The following TMTC1 variants were observed in gnomAD, a reference collection of about 807,000 sequenced individuals.
TMTC1 encodes protein O-mannosyl-transferase TMTC1.
TMTC1 carries 73 observed loss-of-function variants against 104.8 expected under a neutral mutation model. That is an observed-to-expected ratio of 0.70 (90% confidence interval 0.58 to 0.85). TMTC1 has a LOEUF of 0.85. TMTC1 is among the 40% of genes least tolerant of loss of function. TMTC1 has a pLI of 0.00. For synonymous variants in TMTC1, 434 were observed against 428.7 expected, an observed-to-expected ratio of 1.01 and a Z score of -0.15; for missense variants, 1,035 against 1,096.1, an observed-to-expected ratio of 0.94 and a Z score of 0.79.
intron 9 of TMTC1, among the ~76,000 whole-genome samples, chr12:29,566,825 A>G (rs1945529333): frequency 6.6e-6 from 1 of 152,136 alleles, no homozygotes; most frequent in African/African-American, 2.4e-5. Context: ...TTAACAGAAA[A>G]TCTCAACCCT....
At chr12:29,673,526 A>G (rs1401503530) in intron 5 of TMTC1, among the ~76,000 whole-genome samples, 1 of 152,128 alleles carries the variant, frequency 6.6e-6, no homozygotes, top group Non-Finnish European at 1.5e-5. Flanking sequence ...ATTTTAAAAC[A>G]TAACATAAAA....
chr12:29,745,200 A>G (rs775819828), intron 5 of TMTC1, among the ~76,000 whole-genome samples: 6 of 152,134 alleles, frequency 3.9e-5, no homozygotes, highest in Non-Finnish European at 7.3e-5. Flanking sequence ...TCTCTATAGG[A>G]GGTCATTTGC....
At chr12:29,737,618 A>G (rs1012430498) in intron 5 of TMTC1, among the ~76,000 whole-genome samples, 2 of 152,196 alleles carry the variant, frequency 1.3e-5, no homozygotes, top group African/African-American at 4.8e-5. Flanking sequence ...GCCTTTCTCA[A>G]CAGTTCTTTC....
Position 29,783,821 on chromosome 12 carries a change from G to A in TMTC1, c.-70C>T. 1 of 1,100,076 alleles carries A rather than the reference G, an allele frequency of 9.1e-7. No homozygotes were observed. Among genetic ancestry groups the A allele is most frequent in the Non-Finnish European group, 1.1e-6 (1 of 905,118 alleles). The allele number at this position is 1,100,076 out of a possible 1,614,324, so 68.1% of individuals were successfully genotyped here. The stretch of plus-strand genomic sequence containing the variant: ...GGCATCCTCCCCTACCGGGGCCCCG[G>A]CGGCGCGCGGCGTCTGCCCGGAGGG... On this transcript the variant is annotated 5_prime_UTR_variant, in exon 1 of 18. Coordinates refer to ENST00000539277, the MANE Select transcript of TMTC1 (RefSeq NM_001193451.2). This position sits in a 1 kb window ranked among gnomAD's most constrained non-coding sequence, Gnocchi z 4.7.
At chr12:29,747,602 A>G (rs1178620136) in intron 5 of TMTC1, among the ~76,000 whole-genome samples, 7 of 152,220 alleles carry the variant, frequency 4.6e-5, no homozygotes, top group Admixed American at 4.6e-4. Context: ...GTTGAACAAC[A>G]ACAAAAAAAT....
chr12:29,618,065 A>T (rs1307048141), intron 6 of TMTC1, among the ~76,000 whole-genome samples: 1 of 152,232 alleles, frequency 6.6e-6, no homozygotes, highest in Non-Finnish European at 1.5e-5. Context: ...TGGCTTGGAC[A>T]GGGTAAAAGC....
intron 5 of TMTC1, among the ~76,000 whole-genome samples, chr12:29,746,080 G>A (rs1045576007): frequency 2.6e-4 from 40 of 152,240 alleles, no homozygotes; most frequent in Admixed American, 1.9e-3. Context: ...CTGCTTCCAC[G>A]AGGTGGTTTG....
intron 6 of TMTC1, among the ~76,000 whole-genome samples, chr12:29,604,553 T>G (rs1177743447): frequency 1.3e-5 from 2 of 152,146 alleles, no homozygotes; most frequent in African/African-American, 4.8e-5. Flanking sequence ...CTACAGTCAG[T>G]GACCGCTACC....
intron 5 of TMTC1, among the ~76,000 whole-genome samples, chr12:29,716,540 A>G (rs77493802): frequency 6.6e-6 from 1 of 152,112 alleles, no homozygotes; most frequent in Non-Finnish European, 1.5e-5. Flanking sequence ...AAATTTTAAT[A>G]TTTAGAGCCT....
chr12:29,619,054 G>A (rs1250784151), intron 6 of TMTC1, among the ~76,000 whole-genome samples: 1 of 152,026 alleles, frequency 6.6e-6, no homozygotes, highest in African/African-American at 2.4e-5. Context: ...AAATCTCACT[G>A]AGAATCACAA....
intron 5 of TMTC1, among the ~76,000 whole-genome samples, chr12:29,732,063 T>C (rs1434286946): frequency 6.6e-6 from 1 of 152,210 alleles, no homozygotes; most frequent in Non-Finnish European, 1.5e-5. Context: ...TATTAAGCAT[T>C]GTTGTAACTT....
intron 5 of TMTC1, among the ~76,000 whole-genome samples, chr12:29,654,945 G>A (rs1414940685): frequency 6.6e-6 from 1 of 152,076 alleles, no homozygotes; most frequent in Non-Finnish European, 1.5e-5. Context: ...GTGCAGTGGC[G>A]TGATCTCGGC....
At chr12:29,589,338 CA>C (rs1479414000) in intron 7 of TMTC1, among the ~76,000 whole-genome samples, 1 of 152,128 alleles carries the variant, frequency 6.6e-6, no homozygotes, top group Non-Finnish European at 1.5e-5. Flanking sequence ...TTAATCTTGG[CA>C]AAATAAATCT....
chr12:29,548,062 A>G (rs769489797), intron 10 of TMTC1, among the ~76,000 whole-genome samples: 11 of 152,210 alleles, frequency 7.2e-5, no homozygotes, highest in Middle Eastern at 3.2e-3. Flanking sequence ...AATTTGATCA[A>G]AAGCAAAGAG....
intron 1 of TMTC1, among the ~76,000 whole-genome samples, chr12:29,771,752 C>T (rs1252752213): frequency 1.3e-5 from 2 of 152,118 alleles, no homozygotes; most frequent in African/African-American, 4.8e-5. Flanking sequence ...AAACACAGAG[C>T]ACCTTCACAG....
intron 5 of TMTC1, among the ~76,000 whole-genome samples, chr12:29,665,908 A>T (rs1221953532): frequency 6.6e-5 from 10 of 152,110 alleles, no homozygotes; most frequent in South Asian, 6.2e-4. Flanking sequence ...CTTATTCATG[A>T]TGTTTTCTCT....
chr12:29,728,457 C>G (rs1942459725), intron 5 of TMTC1, among the ~76,000 whole-genome samples: 1 of 152,054 alleles, frequency 6.6e-6, no homozygotes, highest in African/African-American at 2.4e-5. Context: ...TGTACAAGCT[C>G]GAACAGACCT....
chr12:29,718,383 A>G (rs1942142245), intron 5 of TMTC1, among the ~76,000 whole-genome samples: 1 of 152,208 alleles, frequency 6.6e-6, no homozygotes, highest in Non-Finnish European at 1.5e-5. Context: ...AGCAGCCTTG[A>G]TAACTGTAAA....
At chr12:29,597,152 A>G (rs991018543) in intron 7 of TMTC1, among the ~76,000 whole-genome samples, 1 of 149,346 alleles carries the variant, frequency 6.7e-6, no homozygotes, top group African/African-American at 2.5e-5. Context: ...CCAGGGCCTC[A>G]TTTCCTCCTG....
Sources: gnomAD v4.1 joint callset for allele counts (sites outside exome capture counted in the v4.1 genomes callset) on GRCh38, gnomAD v4.1.1 for gene constraint, Gnocchi (gnomAD v3.1) non-coding constraint, MANE v1.5 for transcripts, NCBI Gene and HGNC (gene_info 2026-07-23, HGNC 2026-07-21) for gene names.